FAM221A: variants seen among roughly 807,000 people sequenced by gnomAD.
The protein encoded by FAM221A is family with sequence similarity 221 member A, also known as protein FAM221A.
Under a neutral mutation model 37.6 loss-of-function variants are expected in FAM221A, and 43 were observed. The ratio of observed to expected loss-of-function variants is 1.15; its 90% CI spans 0.90 to 1.48. The LOEUF is 1.48. Among genes scored for constraint, FAM221A ranks in the 40% most tolerant of loss-of-function variants. The pLI, the probability that FAM221A is intolerant of heterozygous loss-of-function variation, is 0.00. For missense variants in FAM221A, 361 were observed against 361.5 expected, an observed-to-expected ratio of 1.00 and a Z score of 0.01; for synonymous variants, 135 against 132.9, an observed-to-expected ratio of 1.02 and a Z score of -0.11.
chr7:23,702,237 A>G lies in FAM221A; in HGVS notation c.*73A>G. On this transcript the variant is annotated 3_prime_UTR_variant, in exon 7 of 7. Coordinates refer to ENST00000344962, the MANE Select transcript of FAM221A (RefSeq NM_199136.5). The stretch of plus-strand genomic sequence containing the variant: ...TTATTTAAATGTAATAATACAGTTT[A>G]TTTTTCCTGAAATTATTTACTTTTT... 1.1e-6 allele frequency: 1 copy of G among 923,274 alleles called. No homozygotes were observed. The highest frequency in any genetic ancestry group is 1.5e-6 in the Non-Finnish European group (1 of 647,212). 57.2% of individuals were successfully genotyped at this position (923,274 alleles called of 1,614,324 possible). A position where few individuals can be genotyped will look rare whatever the true frequency, so the allele number is the denominator to read the frequency against.
intron 2 of FAM221A, 60 bp from the exon 3 acceptor site, chr7:23,689,209 T>G: frequency 9.0e-7 from 1 of 1,113,202 alleles, no homozygotes; most frequent in Non-Finnish European, 1.3e-6. Context: ...ATAATAGAAA[T>G]TGTAATTTTT....
chr7:23,685,574 G>A (rs990572432), intron 2 of FAM221A, among the ~76,000 whole-genome samples: 1 of 152,200 alleles, frequency 6.6e-6, no homozygotes, highest in South Asian at 2.1e-4. Flanking sequence ...CACTGATCAT[G>A]CTGTCCATCT....
rs1416290320 is a variant in FAM221A at position 23,700,052 on chromosome 7, T to G, written c.746-734T>G. Among the ~76,000 whole-genome samples, 4 of 152,216 alleles carry G rather than the reference T, an allele frequency of 2.6e-5. No homozygotes were observed. In the East Asian group the frequency reaches 7.7e-4, roughly 29 times the overall value. The stretch of plus-strand genomic sequence containing the variant: ...TTCTTACTCTTCTCAATAAAACTTT[T>G]GTCAAAGATAATCGACAGACTGTAG... On this transcript the variant is annotated intron_variant, in intron 5 of 6. Coordinates refer to ENST00000344962, the MANE Select transcript of FAM221A (RefSeq NM_199136.5).
At chr7:23,685,009 G>A (rs1784282294) in intron 2 of FAM221A, among the ~76,000 whole-genome samples, 1 of 152,180 alleles carries the variant, frequency 6.6e-6, no homozygotes. Flanking sequence ...CAGCACTTTG[G>A]GAGGCCGAGG....
chr7:23,684,789 A>G (rs767600217), intron 2 of FAM221A, 117 bp downstream of exon 2: 28 of 987,416 alleles, frequency 2.8e-5, no homozygotes, highest in Non-Finnish European at 3.4e-5. Context: ...TATATAGTAG[A>G]GTAGAAATTA....
intron 4 of FAM221A, among the ~76,000 whole-genome samples, chr7:23,696,786 A>G (rs1284860880): frequency 6.6e-6 from 1 of 152,210 alleles, no homozygotes; most frequent in Non-Finnish European, 1.5e-5. Context: ...GATTTCAGGT[A>G]TAGAGGAACC....
At position 23,689,383 on chromosome 7, in the gene FAM221A, T is replaced by G; in HGVS notation, c.354T>G (p.Gly118=). Residue 118 remains glycine, a synonymous_variant, in exon 3 of 7, where the codon GGT becomes GGG. Transcript: ENST00000344962. ...CTTACCTTTATGTCCCCTTGAATGGTAGCCAGCCCATTCGCTGCAGGTGCA... is the reference window on the plus strand; with the variant it reads ...CTTACCTTTATGTCCCCTTGAATGGGAGCCAGCCCATTCGCTGCAGGTGCA... ...CRAYLYVPLN[G]SQPIRCRCKH... 6.2e-7 allele frequency: 1 copy of G among 1,607,960 alleles called. No individual in the cohort carries two copies. Among genetic ancestry groups the G allele is most frequent in the East Asian group, 2.2e-5 (1 of 44,672 alleles).
chr7:23,681,169 T>C (rs1306676932), intron 1 of FAM221A, among the ~76,000 whole-genome samples: 1 of 152,202 alleles, frequency 6.6e-6, no homozygotes, highest in Non-Finnish European at 1.5e-5. Flanking sequence ...GCTAGGAGCT[T>C]GATGGGGTCA....
In FAM221A at chr7:23,699,702, C is replaced by G. The variant is rs1785288615; in HGVS notation, c.746-1084C>G. 3.3e-5 allele frequency among the ~76,000 whole-genome samples: 5 copies of G among 151,598 alleles called. No individual in the cohort carries two copies. In the South Asian group the frequency reaches 1.0e-3, roughly 32 times the overall value. On this transcript the variant is annotated intron_variant, in intron 5 of 6. Coordinates refer to ENST00000344962, the MANE Select transcript of FAM221A (RefSeq NM_199136.5). ...GACTATAGGGATGCACCACCATGTC[C>G]AGCTAAATTTTGAATTTTTTGTAGA...
intron 4 of FAM221A, chr7:23,692,216 G>A: frequency 1.0e-6 from 1 of 969,800 alleles, no homozygotes; most frequent in Non-Finnish European, 1.2e-6. Flanking sequence ...GAGCGGGACT[G>A]GGGAGCAGAA....
chr7:23,697,726 C>A (rs538222571), intron 4 of FAM221A, among the ~76,000 whole-genome samples: 1 of 152,122 alleles, frequency 6.6e-6, no homozygotes, highest in East Asian at 1.9e-4. Flanking sequence ...AATACTTTTA[C>A]CCATTTGCTT....
intron 5 of FAM221A, 81 bp downstream of exon 5, chr7:23,698,380 CT>C (rs879088025): frequency 8.0e-6 from 6 of 751,550 alleles, no homozygotes; most frequent in South Asian, 3.3e-5. Context: ...AGGCATCTCT[CT>C]TTTTTTCATT....
At position 23,699,115 on chromosome 7, in the gene FAM221A, A is replaced by ATT. The variant is rs1185698578; in HGVS notation, c.745+835_745+836dup. 7.8e-3 allele frequency among the ~76,000 whole-genome samples: 1,040 copies of ATT among 133,238 alleles called. 8 individuals are homozygous for ATT. Among genetic ancestry groups the ATT allele is most frequent in the Non-Finnish European group, 0.011 (673 of 62,152 alleles). The allele number at this position is 133,238 out of a possible 152,430, so 87.4% of individuals were successfully genotyped here. ...TAATGAATGTTACACCAATGCTGGA[A>ATT]TTTTTTTTTTTTTTTTTTTTGAGAC... On this transcript the variant is annotated intron_variant, in intron 5 of 6. Transcript: ENST00000344962.
chr7:23,698,097 C>A, intron 4 of FAM221A, 95 bp from the exon 5 acceptor site: 2 of 734,964 alleles, frequency 2.7e-6, no homozygotes, highest in Non-Finnish European at 4.6e-6. Flanking sequence ...TCTAATAATT[C>A]TGCTGAGGTT....
intron 1 of FAM221A, among the ~76,000 whole-genome samples, chr7:23,681,444 C>G (rs1464673750): frequency 6.6e-6 from 1 of 152,160 alleles, no homozygotes; most frequent in Non-Finnish European, 1.5e-5. Flanking sequence ...TTTATTGAGA[C>G]GGGGTCTGAC....
intron 5 of FAM221A, among the ~76,000 whole-genome samples, chr7:23,700,527 T>TA (rs1785355870): frequency 6.6e-6 from 1 of 152,224 alleles, no homozygotes; most frequent in Non-Finnish European, 1.5e-5. Flanking sequence ...AGTGTACTCT[T>TA]ATACGGAATA....
chr7:23,683,166 G>A (rs1784163733), intron 1 of FAM221A, among the ~76,000 whole-genome samples: 1 of 152,180 alleles, frequency 6.6e-6, no homozygotes, highest in Admixed American at 6.5e-5. Flanking sequence ...TTCAAGGGGA[G>A]TATTTTCAGG....
intron 1 of FAM221A, among the ~76,000 whole-genome samples, chr7:23,681,820 T>TC (rs1784059167): frequency 6.6e-6 from 1 of 152,222 alleles, no homozygotes; most frequent in South Asian, 2.1e-4. Flanking sequence ...AGGACTTGAG[T>TC]ACCTAGATAT....
intron 1 of FAM221A, among the ~76,000 whole-genome samples, chr7:23,684,156 C>G (rs983089641): frequency 2.0e-4 from 31 of 152,188 alleles, no homozygotes; most frequent in African/African-American, 7.2e-4. Context: ...CTTCAGACCC[C>G]CAGTAAAACT....
Sources: allele counts gnomAD v4.1 joint callset (sites outside exome capture counted in the v4.1 genomes callset), GRCh38; gene constraint gnomAD v4.1.1; transcripts MANE v1.5; gene names NCBI Gene and HGNC (gene_info 2026-07-23, HGNC 2026-07-21).